The following ANKRD36 variants were observed in gnomAD, a reference collection of about 807,000 sequenced individuals.
The protein encoded by ANKRD36 is ankyrin repeat domain-containing protein 36A.
ANKRD36 carries 179 observed loss-of-function variants against 278.1 expected under a neutral mutation model. The observed-to-expected ratio is 0.64, with a 90% CI of 0.57 to 0.73. The LOEUF is 0.73. Ranked by LOEUF, ANKRD36 falls within the 30% of genes least tolerant of loss-of-function variation. ANKRD36 has a pLI of 0.00. For synonymous variants in ANKRD36, 320 were observed against 641.1 expected, an observed-to-expected ratio of 0.50 and a Z score of 7.57; for missense variants, 1,159 against 1,956.7, an observed-to-expected ratio of 0.59 and a Z score of 7.69.
chr2:97,188,527 A>G (rs1352960711), intron 32 of ANKRD36, among the ~76,000 whole-genome samples: 1 of 149,970 alleles, frequency 6.7e-6, no homozygotes, highest in African/African-American at 2.4e-5. Flanking sequence ...AATGAATATT[A>G]TCTACTAGGT....
At chr2:97,205,362 G>A (rs1055246474) in intron 50 of ANKRD36, among the ~76,000 whole-genome samples, 17 of 151,570 alleles carry the variant, frequency 1.1e-4, no homozygotes, top group Non-Finnish European at 4.4e-5. Flanking sequence ...ACATGGGTGT[G>A]AGAGATAATG....
chr2:97,212,348 C>A (rs1442178595), intron 58 of ANKRD36, among the ~76,000 whole-genome samples: 1 of 151,884 alleles, frequency 6.6e-6, no homozygotes, highest in East Asian at 2.0e-4. Context: ...CTACTAGAAG[C>A]AGGAAACTAT....
At chr2:97,185,254 A>C in intron 28 of ANKRD36, 62 bp from the exon 29 acceptor site, 1 of 1,559,674 alleles carries the variant, frequency 6.4e-7, no homozygotes, top group Non-Finnish European at 8.8e-7. Context: ...ACACTTCATG[A>C]ATGTATAGAT....
Position 97,158,134 on chromosome 2 carries a change from A to C in ANKRD36, c.1288A>C (p.Arg430=), listed in dbSNP as rs748572978. 5.9e-6 allele frequency: 9 copies of C among 1,515,348 alleles called. No homozygotes were observed. The highest frequency in any genetic ancestry group is 7.1e-6 in the Non-Finnish European group (8 of 1,128,196). The allele number at this position is 1,515,348 out of a possible 1,614,324, so 93.9% of individuals were successfully genotyped here. The change falls in exon 16 of 76, where the codon AGA becomes CGA. Residue 430 remains arginine (R), a synonymous_variant. Coordinates refer to ENST00000420699, the MANE Select transcript of ANKRD36 (RefSeq NM_001354587.1). ...TATTTCAGAACCATACTTTACGAAC[A>C]GAAGGACTATTTCTCAACAATCTGC... ...ENISEPYFTN[R]RTISQQSAEN...
intron 16 of ANKRD36, 74 bp from the exon 17 acceptor site, chr2:97,158,514 C>G: frequency 6.7e-7 from 1 of 1,483,242 alleles, no homozygotes; most frequent in Non-Finnish European, 9.1e-7. Flanking sequence ...GCTGTGAGCC[C>G]CCACACCCGG....
intron 25 of ANKRD36, 42 bp downstream of exon 25, chr2:97,181,668 A>G (rs759800630): frequency 6.2e-7 from 1 of 1,605,092 alleles, no homozygotes; most frequent in Non-Finnish European, 8.5e-7. Context: ...TTAACTGTAT[A>G]GTCTATGAAA....
At position 97,136,862 on chromosome 2, in the gene ANKRD36, G is replaced by T. The variant is rs1160646631; in HGVS notation, c.800-5778G>T. Among the ~76,000 whole-genome samples the T allele has an allele frequency of 3.9e-5, 6 of 152,064 alleles. No homozygotes were observed. In the East Asian group the frequency reaches 1.2e-3, roughly 29 times the overall value. ...GATGCCATTTTCTGTCAGTGTGATA[G>T]GATTCTGTTAGAATTATGACTATTT... On this transcript the variant is annotated intron_variant, in intron 6 of 75. Transcript: ENST00000420699.
At chr2:97,229,999 A>G (rs1270285014) in intron 67 of ANKRD36, among the ~76,000 whole-genome samples, 1 of 152,124 alleles carries the variant, frequency 6.6e-6, no homozygotes, top group Non-Finnish European at 1.5e-5. Flanking sequence ...GTTTCTGCCG[A>G]GAGATCCACT....
intron 18 of ANKRD36, among the ~76,000 whole-genome samples, chr2:97,162,686 A>G (rs2049270650): frequency 6.9e-6 from 1 of 145,722 alleles, no homozygotes; most frequent in African/African-American, 2.5e-5. Context: ...TAGAAAAACG[A>G]CAGGAAACCA....
chr2:97,124,413 C>T (rs1235745556), intron 4 of ANKRD36, 47 bp from the exon 5 acceptor site: 1 of 1,529,568 alleles, frequency 6.5e-7, no homozygotes, highest in Non-Finnish European at 8.8e-7. Context: ...ATAAACTTAG[C>T]TTTTAAAATG....
intron 22 of ANKRD36, among the ~76,000 whole-genome samples, chr2:97,176,107 TG>T (rs2054163541): frequency 6.6e-6 from 1 of 151,848 alleles, no homozygotes; most frequent in Non-Finnish European, 1.5e-5. Flanking sequence ...TCTGTTGATT[TG>T]GGGTGGAGAG....
intron 66 of ANKRD36, among the ~76,000 whole-genome samples, chr2:97,220,881 C>T (rs1444942069): frequency 1.4e-5 from 2 of 146,216 alleles, no homozygotes; most frequent in African/African-American, 2.6e-5. Flanking sequence ...CACCCACTAA[C>T]GTGTCATCTA....
chr2:97,208,961 C>A (rs1196471776), intron 54 of ANKRD36, among the ~76,000 whole-genome samples: 7 of 146,482 alleles, frequency 4.8e-5, no homozygotes, highest in Non-Finnish European at 7.4e-5. Context: ...ACTTTGTAGA[C>A]GTATGTCAAA....
At chr2:97,242,146 C>T (rs1393167950) in intron 69 of ANKRD36, among the ~76,000 whole-genome samples, 4 of 150,762 alleles carry the variant, frequency 2.7e-5, no homozygotes, top group Non-Finnish European at 4.4e-5. Flanking sequence ...AAAAAATTAG[C>T]CAGGTATGGT....
intron 22 of ANKRD36, among the ~76,000 whole-genome samples, chr2:97,178,122 A>G (rs1362836571): frequency 6.6e-6 from 1 of 150,828 alleles, no homozygotes. Context: ...TCAAAACCAC[A>G]ATGAGATACC....
At chr2:97,165,362 A>G (rs1165730037) in intron 20 of ANKRD36, among the ~76,000 whole-genome samples, 1 of 152,120 alleles carries the variant, frequency 6.6e-6, no homozygotes, top group Non-Finnish European at 1.5e-5. Flanking sequence ...CTGCACCACA[A>G]TTAATTAAAA....
intron 32 of ANKRD36, 93 bp downstream of exon 32, chr2:97,187,494 G>GGT: frequency 4.2e-5 from 4 of 95,516 alleles, no homozygotes; most frequent in Non-Finnish European, 8.6e-5. Flanking sequence ...GGGTGGGGGG[G>GGT]CTCGCCGAAG....
intron 22 of ANKRD36, 37 bp from the exon 23 acceptor site, chr2:97,179,701 T>G (rs1366734159): frequency 1.1e-5 from 17 of 1,592,106 alleles, no homozygotes; most frequent in Non-Finnish European, 1.4e-5. Flanking sequence ...TTATCATATT[T>G]ACATATGATT....
At position 97,164,488 on chromosome 2, in the gene ANKRD36, A is replaced by G; in HGVS notation, c.1531+19A>G. 1 of 1,533,898 alleles carries G rather than the reference A, an allele frequency of 6.5e-7. No individual in the cohort carries two copies. The highest frequency in any genetic ancestry group is 8.7e-7 in the Non-Finnish European group (1 of 1,145,204). ...AGTGAAGGTAAATTTGCCGCTACAA[A>G]TTTCGTTCTAGAAAATGTAGATGAA... On this transcript the variant is annotated intron_variant, in intron 20 of 75. Coordinates refer to ENST00000420699, the MANE Select transcript of ANKRD36 (RefSeq NM_001354587.1).
Sources: gnomAD v4.1 joint callset for allele counts (sites outside exome capture counted in the v4.1 genomes callset) on GRCh38, gnomAD v4.1.1 for gene constraint, MANE v1.5 for transcripts, NCBI Gene and HGNC (gene_info 2026-07-23, HGNC 2026-07-21) for gene names.